The following NUBPL variants were observed in gnomAD, a reference collection of about 807,000 sequenced individuals.
The protein encoded by NUBPL is iron-sulfur cluster transfer protein NUBPL.
Under a neutral mutation model 45.7 loss-of-function variants are expected in NUBPL, and 31 were observed. That is an observed-to-expected ratio of 0.68 (90% CI 0.51 to 0.92). The LOEUF (loss-of-function observed/expected upper bound fraction) is 0.92. Among genes scored for constraint, NUBPL ranks in the 40% least tolerant of loss-of-function variants. The pLI, the probability that NUBPL is intolerant of heterozygous loss-of-function variation, is 0.00. For synonymous variants in NUBPL, 144 were observed against 140.9 expected, an observed-to-expected ratio of 1.02 and a Z score of -0.15; for missense variants, 401 against 398.7, an observed-to-expected ratio of 1.01 and a Z score of -0.05.
At chr14:31,673,939 T>C (rs1425338850) in intron 6 of NUBPL, among the ~76,000 whole-genome samples, 2 of 152,228 alleles carry the variant, frequency 1.3e-5, no homozygotes, top group Non-Finnish European at 2.9e-5. Flanking sequence ...GTAGAAATTC[T>C]ACAGATGTAG....
chr14:31,759,246 G>T (rs1307100445), intron 6 of NUBPL, among the ~76,000 whole-genome samples: 5 of 151,804 alleles, frequency 3.3e-5, no homozygotes, highest in Admixed American at 2.6e-4. Context: ...CTTTATTGTG[G>T]CTTGTCGTGT....
At chr14:31,754,096 A>C (rs1043809314) in intron 6 of NUBPL, among the ~76,000 whole-genome samples, 2 of 152,208 alleles carry the variant, frequency 1.3e-5, no homozygotes, top group African/African-American at 4.8e-5. Flanking sequence ...AAAGAAGATG[A>C]ATGTTGGGCA....
intron 7 of NUBPL, among the ~76,000 whole-genome samples, chr14:31,788,113 G>C (rs1241014778): frequency 6.6e-6 from 1 of 152,192 alleles, no homozygotes; most frequent in African/African-American, 2.4e-5. Flanking sequence ...GTTCTTGGGA[G>C]AAAGAATTTG....
chr14:31,784,819 T>C (rs1189226555), intron 6 of NUBPL, among the ~76,000 whole-genome samples: 1 of 152,134 alleles, frequency 6.6e-6, no homozygotes. Flanking sequence ...CAAATCAACA[T>C]ATAATGTCAG....
rs369492558 is a variant in NUBPL at position 31,797,878 on chromosome 14, G to T, written c.607+10005G>T. ...GATTTTGCAGCGGCTGGTACCGGTT[G>T]TTCCTTTCCATGTTTAGCGCTTCCT... On this transcript the variant is annotated intron_variant, in intron 7 of 10. Coordinates refer to ENST00000281081, the MANE Select transcript of NUBPL (RefSeq NM_025152.3). Among the ~76,000 whole-genome samples, 5 of 135,110 alleles carry T rather than the reference G, an allele frequency of 3.7e-5. No individual in the cohort carries two copies. In the East Asian group the frequency reaches 1.1e-3, roughly 29 times the overall value. 88.6% of individuals were successfully genotyped at this position (135,110 alleles called of 152,430 possible). A position where few individuals can be genotyped will look rare whatever the true frequency, so the allele number is the denominator to read the frequency against.
intron 7 of NUBPL, among the ~76,000 whole-genome samples, chr14:31,819,720 A>G (rs1240922989): frequency 6.6e-6 from 1 of 152,260 alleles, no homozygotes; most frequent in East Asian, 1.9e-4. Flanking sequence ...AGAATCTGCC[A>G]GACAATCAAC....
At chr14:31,806,708 G>C (rs1262373350) in intron 7 of NUBPL, among the ~76,000 whole-genome samples, 5 of 152,200 alleles carry the variant, frequency 3.3e-5, no homozygotes, top group Middle Eastern at 3.4e-3. Context: ...TGCCGTGTTG[G>C]TTAGCTGCAC....
chr14:31,798,635 A>G (rs1375431661), intron 7 of NUBPL, among the ~76,000 whole-genome samples: 1 of 151,526 alleles, frequency 6.6e-6, no homozygotes, highest in Non-Finnish European at 1.5e-5. Context: ...TACTAAAAAA[A>G]CAAAAAATTA....
intron 4 of NUBPL, among the ~76,000 whole-genome samples, chr14:31,672,190 C>T (rs2036585600): frequency 6.6e-6 from 1 of 151,366 alleles, no homozygotes; most frequent in Admixed American, 6.6e-5. Flanking sequence ...AGTTTTTCTA[C>T]TTTTGTGGAT....
chr14:31,753,863 T>C (rs1375199824), intron 6 of NUBPL, among the ~76,000 whole-genome samples: 4 of 152,178 alleles, frequency 2.6e-5, no homozygotes, highest in Admixed American at 2.6e-4. Context: ...ATTTATTTGT[T>C]TTCGCCTTCA....
At chr14:31,700,664 G>A (rs1333945723) in intron 6 of NUBPL, among the ~76,000 whole-genome samples, 3 of 152,020 alleles carry the variant, frequency 2.0e-5, no homozygotes, top group East Asian at 1.9e-4. Context: ...CACTGGCCCC[G>A]GGCAGTGAGG....
chr14:31,817,315 G>A (rs984374148), intron 7 of NUBPL, among the ~76,000 whole-genome samples: 71 of 151,992 alleles, frequency 4.7e-4, no homozygotes, highest in Non-Finnish European at 1.6e-4. Flanking sequence ...TCAAATTCAA[G>A]AAACACAGAG....
At position 31,673,512 on chromosome 14, in the gene NUBPL, A is replaced by G. The variant is rs2036624715; in HGVS notation, c.451A>G (p.Ser151Gly). 2 of 1,613,840 alleles carry G rather than the reference A, an allele frequency of 1.2e-6. No individual in the cohort carries two copies. The highest frequency in any genetic ancestry group is 2.2e-5 in the South Asian group (2 of 91,084). ...GTCTATGGGCTTTCTGGTTGAAGAA[A>G]GTGAACCAGTAGTTTGGAGAGGCCT... The part of the protein sequence containing the change: ...CMSMGFLVEE[S>G]EPVVWRGLMV... Residue 151 changes from serine to glycine, a missense_variant, in exon 6 of 11, where the codon AGT becomes GGT. Physicochemically the swap from Ser to Gly is moderately conservative, Grantham distance 56. Transcript: ENST00000281081.
At chr14:31,743,638 C>T (rs34394545) in intron 6 of NUBPL, among the ~76,000 whole-genome samples, 44,931 of 152,034 alleles carry the variant, frequency 0.3, 7,505 homozygotes, top group South Asian at 0.41. Flanking sequence ...CACTGGCCTC[C>T]GAAAGTGCTG....
intron 4 of NUBPL, among the ~76,000 whole-genome samples, chr14:31,668,848 G>T (rs1196471367): frequency 2.0e-5 from 3 of 152,236 alleles, no homozygotes; most frequent in Middle Eastern, 3.4e-3. Context: ...CGCTGCTTCT[G>T]CCTACCCTCA....
At chr14:31,618,389 C>T (rs541999940) in intron 4 of NUBPL, among the ~76,000 whole-genome samples, 2 of 152,148 alleles carry the variant, frequency 1.3e-5, no homozygotes, top group African/African-American at 2.4e-5. Context: ...TTAGATCTTT[C>T]CTGCTTTCTC....
chr14:31,848,565 A>G (rs1395347256), intron 9 of NUBPL, among the ~76,000 whole-genome samples: 1 of 152,148 alleles, frequency 6.6e-6, no homozygotes, highest in Non-Finnish European at 1.5e-5. Context: ...AAACCCTTTA[A>G]CCTATTATAT....
Position 31,756,913 on chromosome 14 carries a change from G to T in NUBPL, c.514-30867G>T, listed in dbSNP as rs2038679239. Among the ~76,000 whole-genome samples the T allele has an allele frequency of 4.8e-5, 7 of 146,844 alleles. No homozygotes were observed. The South Asian group carries it at 1.5e-3, about 32-fold the overall frequency. On this transcript the variant is annotated intron_variant, in intron 6 of 10. Transcript: ENST00000281081. ...TTATTGAGAGTTTTTAGCATGAAGG[G>T]TTGTTGAATTTTGTCAAAGGCCTTT...
At position 31,654,368 on chromosome 14, in the gene NUBPL, G is replaced by C. The variant is rs529017441; in HGVS notation, c.383-18987G>C. Among the ~76,000 whole-genome samples, 4 of 151,596 alleles carry C rather than the reference G, an allele frequency of 2.6e-5. No homozygotes were observed. In the East Asian group the frequency reaches 7.7e-4, roughly 29 times the overall value. On this transcript the variant is annotated intron_variant, in intron 4 of 10. Coordinates refer to ENST00000281081, the MANE Select transcript of NUBPL (RefSeq NM_025152.3). ...TTGCTGCTGACTGATCAGGGTGGTA[G>C]TTGCTGAATGTTGGGTTGGGTATGG...
Sources: gnomAD v4.1 joint callset for allele counts (sites outside exome capture counted in the v4.1 genomes callset) on GRCh38, gnomAD v4.1.1 for gene constraint, MANE v1.5 for transcripts, NCBI Gene and HGNC (gene_info 2026-07-23, HGNC 2026-07-21) for gene names.